The following SGCZ variants were observed in gnomAD, a reference collection of about 807,000 sequenced individuals.
SGCZ encodes sarcoglycan zeta.
A neutral mutation model predicts 41.3 loss-of-function variants in SGCZ; 40 were observed. The observed-to-expected ratio is 0.97, with a 90% CI of 0.75 to 1.26. The LOEUF is 1.26. SGCZ is among the 50% of genes most tolerant of loss of function. The probability of loss-of-function intolerance (pLI) is 0.00; values close to 1 mark genes in which losing one functional copy is unlikely to be tolerated. For missense variants in SGCZ, 552 were observed against 369.8 expected (o/e 1.49, Z -4.04); for synonymous variants, 206 against 137.5 (o/e 1.50, Z -3.49).
intron 2 of SGCZ, among the ~76,000 whole-genome samples, chr8:14,552,025 G>C (rs1004884497): frequency 1.3e-5 from 2 of 151,842 alleles, no homozygotes; most frequent in Non-Finnish European, 2.9e-5. Context: ...GGATACAATA[G>C]TTATAATGAA....
intron 1 of SGCZ, among the ~76,000 whole-genome samples, chr8:14,623,469 T>C (rs1007392935): frequency 6.6e-5 from 10 of 152,180 alleles, no homozygotes; most frequent in African/African-American, 2.2e-4. Context: ...CTGTTGTTTT[T>C]CTGGATAATA....
At chr8:14,533,206 C>T (rs1461853) in intron 2 of SGCZ, among the ~76,000 whole-genome samples, 288 of 151,842 alleles carry the variant, frequency 1.9e-3, no homozygotes, top group African/African-American at 6.8e-3. Context: ...CAAGTGTTCT[C>T]ATTGTTCAAT....
chr8:14,638,929 T>TA (rs1408729631), intron 1 of SGCZ, among the ~76,000 whole-genome samples: 1 of 151,680 alleles, frequency 6.6e-6, no homozygotes, highest in Admixed American at 6.6e-5. Context: ...ACGTCATATG[T>TA]AAACATTTCA....
At chr8:14,924,162 C>A (rs948632300) in intron 1 of SGCZ, among the ~76,000 whole-genome samples, 3 of 152,172 alleles carry the variant, frequency 2.0e-5, no homozygotes, top group African/African-American at 7.2e-5. Context: ...TTTAAGAAAA[C>A]CTATTTGTTG....
chr8:14,743,446 C>T (rs940298326), intron 1 of SGCZ, among the ~76,000 whole-genome samples: 2 of 151,744 alleles, frequency 1.3e-5, no homozygotes, highest in African/African-American at 4.8e-5. Flanking sequence ...ATATACTGTG[C>T]CCTATAGAAA....
intron 1 of SGCZ, among the ~76,000 whole-genome samples, chr8:14,860,180 CAA>C (rs1436714633): frequency 2.0e-5 from 3 of 150,414 alleles, no homozygotes; most frequent in African/African-American, 7.4e-5. Flanking sequence ...AAATGCTACA[CAA>C]AGTCTTTTTT....
At chr8:15,018,639 G>A (rs916453685) in intron 1 of SGCZ, among the ~76,000 whole-genome samples, 1 of 152,140 alleles carries the variant, frequency 6.6e-6, no homozygotes, top group Non-Finnish European at 1.5e-5. Context: ...AGGGACAGAG[G>A]GGAGAAGGTA....
chr8:14,240,145 G>A (rs1798818486), intron 3 of SGCZ, among the ~76,000 whole-genome samples: 1 of 151,382 alleles, frequency 6.6e-6, no homozygotes, highest in African/African-American at 2.4e-5. Context: ...TGGCCAACAT[G>A]GCCAAACCCC....
chr8:14,340,555 G>A (rs187464005), intron 2 of SGCZ, among the ~76,000 whole-genome samples: 2 of 152,016 alleles, frequency 1.3e-5, no homozygotes, highest in South Asian at 2.1e-4. Context: ...AGAATTTATC[G>A]AAATGACCTT....
intron 1 of SGCZ, among the ~76,000 whole-genome samples, chr8:14,903,751 A>G (rs528118505): frequency 6.6e-4 from 100 of 152,174 alleles, no homozygotes; most frequent in African/African-American, 2.2e-3. Context: ...AGTACATTAT[A>G]TACTAGTCAG....
At chr8:15,132,310 T>C (rs1807939619) in intron 1 of SGCZ, among the ~76,000 whole-genome samples, 2 of 152,326 alleles carry the variant, frequency 1.3e-5, no homozygotes, top group East Asian at 1.9e-4. Flanking sequence ...GTGTATGTAA[T>C]GCCGGTTTGC....
At chr8:14,359,867 C>A (rs773827978) in intron 2 of SGCZ, among the ~76,000 whole-genome samples, 2 of 147,924 alleles carry the variant, frequency 1.4e-5, no homozygotes, top group Admixed American at 6.7e-5. Context: ...AAAACATCAA[C>A]AGAATGCTGG....
At chr8:14,550,928 T>G (rs1452581689) in intron 2 of SGCZ, among the ~76,000 whole-genome samples, 1 of 152,020 alleles carries the variant, frequency 6.6e-6, no homozygotes, top group Non-Finnish European at 1.5e-5. Context: ...TCAATTATTT[T>G]CTTGGGATTT....
At chr8:14,228,155 C>A (rs929262100) in intron 4 of SGCZ, among the ~76,000 whole-genome samples, 1 of 152,050 alleles carries the variant, frequency 6.6e-6, no homozygotes, top group Non-Finnish European at 1.5e-5. Flanking sequence ...AACCAAATTT[C>A]CAAAGACATG....
At chr8:14,154,099 G>A (rs376705342) in intron 5 of SGCZ, among the ~76,000 whole-genome samples, 7 of 152,094 alleles carry the variant, frequency 4.6e-5, no homozygotes, top group Non-Finnish European at 8.8e-5. Context: ...GGCCGGGCCC[G>A]GTGGCTCATG....
At chr8:14,128,672 A>G (rs1563142798) in intron 5 of SGCZ, among the ~76,000 whole-genome samples, 1 of 152,124 alleles carries the variant, frequency 6.6e-6, no homozygotes, top group Non-Finnish European at 1.5e-5. Context: ...TGAATGTCTG[A>G]ATTTAAAAAT....
intron 2 of SGCZ, among the ~76,000 whole-genome samples, chr8:14,545,280 C>T (rs3848994): frequency 0.13 from 20,278 of 151,968 alleles, 1,622 homozygotes; most frequent in South Asian, 0.19. Context: ...GACAGTGATG[C>T]TATTATTATT....
chr8:14,152,142 G>A (rs995323064), intron 5 of SGCZ, among the ~76,000 whole-genome samples: 3 of 151,450 alleles, frequency 2.0e-5, no homozygotes, highest in Non-Finnish European at 2.9e-5. Context: ...AAGAAAACAA[G>A]CTATGAGAGT....
intron 1 of SGCZ, among the ~76,000 whole-genome samples, chr8:14,976,001 C>CAT (rs145427292): frequency 0.024 from 3,338 of 140,066 alleles, 46 homozygotes; most frequent in Middle Eastern, 0.045. Flanking sequence ...TATATATATA[C>CAT]ATATATATAT....
Sources: allele counts gnomAD v4.1 joint callset (sites outside exome capture counted in the v4.1 genomes callset), GRCh38; gene constraint gnomAD v4.1.1; transcripts MANE v1.5; gene names NCBI Gene and HGNC (gene_info 2026-07-23, HGNC 2026-07-21).